The following NUDT3 variants were observed in gnomAD, a reference collection of about 807,000 sequenced individuals.
NUDT3 encodes diphosphoinositol polyphosphate phosphohydrolase 1.
In NUDT3, 9 loss-of-function variants were observed where a neutral mutation model predicts 23.6. The observed-to-expected ratio is 0.38, with a 90% confidence interval of 0.23 to 0.66. The LOEUF is 0.66. NUDT3 is among the 30% of genes least tolerant of loss of function. The probability of loss-of-function intolerance (pLI) is 0.52; values close to 1 mark genes in which losing one functional copy is unlikely to be tolerated. For synonymous variants in NUDT3, 86 were observed against 82.6 expected (o/e 1.04, Z -0.22); for missense variants, 172 against 218.5 (o/e 0.79, Z 1.34).
intron 2 of NUDT3, among the ~76,000 whole-genome samples, chr6:34,325,093 G>A (rs1764003975): frequency 6.6e-6 from 1 of 152,162 alleles, no homozygotes; most frequent in African/African-American, 2.4e-5. Flanking sequence ...ATTCAATACC[G>A]ATTTACTTAA....
intron 1 of NUDT3, among the ~76,000 whole-genome samples, chr6:34,349,486 G>A (rs1292272453): frequency 3.3e-5 from 5 of 150,472 alleles, no homozygotes; most frequent in African/African-American, 1.2e-4. Context: ...TGAATTTGAG[G>A]GTTCAGTGAG....
rs746936812 is a variant in NUDT3, at chr6:34,288,890, C to G, written c.382G>C (p.Val128Leu). The G allele has an allele frequency of 2.5e-6, 4 of 1,613,566 alleles. No homozygotes were observed. The highest frequency in any genetic ancestry group is 4.5e-5 in the East Asian group (2 of 44,826). Residue 128 changes from valine to leucine, a missense_variant, in exon 5 of 5, where the codon GTG becomes CTG. Around this residue, in one of 3 missense-constraint regions of NUDT3, gnomAD observed 63 missense variants for 64.9 expected, o/e 0.97. Coordinates refer to ENST00000607016, the MANE Select transcript of NUDT3 (RefSeq NM_006703.4). ...TGCACGGGTTTGTGATACTGCAGCA[C>G]TTTTATGGCGTCTTCTATTTTAAAC... Reference protein sequence around the residue: ...EWFKIEDAIKVLQYHKPVQAS... With the variant: ...EWFKIEDAIKLLQYHKPVQAS...
rs9366853 is a variant in NUDT3 at position 34,324,425 on chromosome 6, G to C, written c.210+17437C>G. On this transcript the variant is annotated intron_variant, in intron 2 of 4. Coordinates refer to ENST00000607016, the MANE Select transcript of NUDT3 (RefSeq NM_006703.4). ...TATAATTGTTATTGTTGCTGTTTTT[G>C]AGATAGGGTCTCACTTGTGCCCAGG... Among the ~76,000 whole-genome samples the C allele has an allele frequency of 1.1e-3, 170 of 151,656 alleles. No homozygotes were observed. The East Asian group carries it at 0.019, about 17-fold the overall frequency.
At position 34,345,852 on chromosome 6, in the gene NUDT3, G is replaced by A. The variant is rs1213790329; in HGVS notation, c.100-3880C>T. ...GGCATGATCTTGGCTCACCGCAACCGCTGCCTCCCGGGTTCAAGCAATGCT... is the reference window on the plus strand; with the variant it reads ...GGCATGATCTTGGCTCACCGCAACCACTGCCTCCCGGGTTCAAGCAATGCT... On this transcript the variant is annotated intron_variant, in intron 1 of 4. Transcript: ENST00000607016. Among the ~76,000 whole-genome samples the A allele has an allele frequency of 6.6e-5, 10 of 151,618 alleles. No homozygotes were observed. The East Asian group carries it at 9.8e-4, about 15-fold the overall frequency.
intron 1 of NUDT3, among the ~76,000 whole-genome samples, chr6:34,372,852 A>T (rs1764854295): frequency 6.6e-6 from 1 of 151,970 alleles, no homozygotes. Flanking sequence ...AAATAAACCA[A>T]TAATTTATCA....
chr6:34,391,664 ACAC>A (rs995574052), intron 1 of NUDT3, among the ~76,000 whole-genome samples: 3 of 152,192 alleles, frequency 2.0e-5, no homozygotes, highest in Non-Finnish European at 4.4e-5. Flanking sequence ...TTCTCAGACT[ACAC>A]CATAAAGGCT....
intron 4 of NUDT3, among the ~76,000 whole-genome samples, chr6:34,289,365 G>A (rs761501003): frequency 3.3e-5 from 5 of 152,178 alleles, no homozygotes; most frequent in Non-Finnish European, 7.3e-5. Flanking sequence ...CCAGGAGTTT[G>A]AGACTGGCCT....
intron 1 of NUDT3, among the ~76,000 whole-genome samples, chr6:34,366,454 GAGAGAA>G (rs1459272625): frequency 8.0e-6 from 1 of 124,270 alleles, no homozygotes; most frequent in Admixed American, 9.0e-5. Flanking sequence ...AGGAGAGAGA[GAGAGAA>G]AGAGAGAGAG....
chr6:34,331,334 C>G (rs981845942), intron 2 of NUDT3, among the ~76,000 whole-genome samples: 2 of 150,242 alleles, frequency 1.3e-5, no homozygotes, highest in Non-Finnish European at 3.0e-5. Context: ...TGTCCATGAC[C>G]TGCTGGATTT....
rs964864170 is a variant in NUDT3, at chr6:34,279,927, C to G, written c.*8826G>C. 1 of 152,200 alleles carries G rather than the reference C, an allele frequency of 6.6e-6. No homozygotes were observed. Among genetic ancestry groups the G allele is most frequent in the African/African-American group, 2.4e-5 (1 of 41,422 alleles). The allele number at this position is 152,200 out of a possible 1,614,324, so 9.4% of individuals were successfully genotyped here. A position where few individuals can be genotyped will look rare whatever the true frequency, so the allele number is the denominator to read the frequency against. On this transcript the variant is annotated 3_prime_UTR_variant, in exon 5 of 5. Coordinates refer to ENST00000607016, the MANE Select transcript of NUDT3 (RefSeq NM_006703.4). ...GTCTGCCTGTCCTCCATTGCTGGTA[C>G]CACATAAGGGATACATTAGTAAAGT...
chr6:34,296,321 C>A (rs1581848910), intron 2 of NUDT3, among the ~76,000 whole-genome samples: 1 of 151,744 alleles, frequency 6.6e-6, no homozygotes, highest in East Asian at 1.9e-4. Context: ...TGCCTGTAAT[C>A]CCAGCACTTT....
At chr6:34,388,077 C>G (rs1765138299) in intron 1 of NUDT3, among the ~76,000 whole-genome samples, 1 of 152,132 alleles carries the variant, frequency 6.6e-6, no homozygotes, top group Admixed American at 6.6e-5. Context: ...ACAAATACTA[C>G]TGCATTACAA....
intron 1 of NUDT3, among the ~76,000 whole-genome samples, chr6:34,389,387 C>G (rs1433436600): frequency 1.3e-5 from 2 of 152,206 alleles, no homozygotes; most frequent in Non-Finnish European, 2.9e-5. Context: ...GAGGCTTCCC[C>G]AGCCATGTAT....
chr6:34,308,559 G>C (rs1255041576), intron 2 of NUDT3, among the ~76,000 whole-genome samples: 2 of 151,824 alleles, frequency 1.3e-5, no homozygotes, highest in African/African-American at 4.8e-5. Context: ...ACCACTTTAA[G>C]TATAAAAACA....
At chr6:34,289,659 G>A (rs2113690358) in intron 4 of NUDT3, among the ~76,000 whole-genome samples, 1 of 152,210 alleles carries the variant, frequency 6.6e-6, no homozygotes, top group South Asian at 2.1e-4. Flanking sequence ...TCTTATAAGA[G>A]TGAATTTATC....
At chr6:34,362,962 T>C (rs1764672866) in intron 1 of NUDT3, among the ~76,000 whole-genome samples, 1 of 152,190 alleles carries the variant, frequency 6.6e-6, no homozygotes, top group African/African-American at 2.4e-5. Context: ...CTAGCTACCA[T>C]GAGCTAACCC....
At chr6:34,351,218 A>AAAAC (rs1251870364) in intron 1 of NUDT3, among the ~76,000 whole-genome samples, 1 of 137,034 alleles carries the variant, frequency 7.3e-6, no homozygotes, top group Non-Finnish European at 1.6e-5. Context: ...AAAAAAAAAA[A>AAAAC]AAAAAAAACA....
At chr6:34,382,953 C>T (rs1187233310) in intron 1 of NUDT3, among the ~76,000 whole-genome samples, 2 of 151,496 alleles carry the variant, frequency 1.3e-5, no homozygotes, top group African/African-American at 4.8e-5. Flanking sequence ...TGGTGAAACC[C>T]CTATCTCTAC....
chr6:34,352,852 C>CT (rs1216497131), intron 1 of NUDT3, among the ~76,000 whole-genome samples: 2 of 152,318 alleles, frequency 1.3e-5, no homozygotes, highest in East Asian at 3.9e-4. Flanking sequence ...AATTATCTCT[C>CT]TCTAGACTTC....
Sources: gnomAD v4.1 joint callset for allele counts (sites outside exome capture counted in the v4.1 genomes callset) on GRCh38, gnomAD v4.1.1 for gene constraint, gnomAD v4.1.1 regional missense constraint, MANE v1.5 for transcripts, NCBI Gene and HGNC (gene_info 2026-07-23, HGNC 2026-07-21) for gene names.